PSMD13: variants seen among roughly 807,000 people sequenced by gnomAD.
PSMD13 encodes 26S proteasome non-ATPase regulatory subunit 13.
Under a neutral mutation model 57.4 loss-of-function variants are expected in PSMD13, and 8 were observed. That is an observed-to-expected ratio of 0.14 (90% CI 0.08 to 0.25). The LOEUF (loss-of-function observed/expected upper bound fraction) is 0.25, where lower values mean the gene tolerates loss of function less well. Ranked by LOEUF, PSMD13 falls within the 10% of genes least tolerant of loss-of-function variation. PSMD13 has a pLI of 1.00. For synonymous variants in PSMD13, 193 were observed against 168.2 expected (o/e 1.15, Z -1.14); for missense variants, 400 against 461.5 (o/e 0.87, Z 1.22).
chr11:245,641 C>CGTGTGTGTGTGTGTGT, intron 6 of PSMD13, among the ~76,000 whole-genome samples: 1 of 122,432 alleles, frequency 8.2e-6, no homozygotes, highest in East Asian at 2.4e-4. Context: ...TGAACCAGAA[C>CGTGTGTGTGTGTGTGT]GTGTGTGTGT....
At chr11:250,730 T>A in intron 9 of PSMD13, 73 bp from the exon 10 acceptor site, 1 of 1,424,736 alleles carries the variant, frequency 7.0e-7, no homozygotes, top group Non-Finnish European at 9.9e-7. Flanking sequence ...ATAGAACGAA[T>A]TCCAGATCCC....
At chr11:245,406 G>A (rs796439176) in intron 6 of PSMD13, among the ~76,000 whole-genome samples, 6 of 152,252 alleles carry the variant, frequency 3.9e-5, no homozygotes, top group African/African-American at 1.4e-4. Context: ...ACTCCACATG[G>A]CCTCAGTCAG....
At chr11:241,943 A>G (rs952093206) in intron 2 of PSMD13, among the ~76,000 whole-genome samples, 1 of 152,088 alleles carries the variant, frequency 6.6e-6, no homozygotes, top group Non-Finnish European at 1.5e-5. Flanking sequence ...CCCCTGAAAC[A>G]TAATGTATTT....
At position 247,390 on chromosome 11, in the gene PSMD13, G is replaced by A. The variant is rs780956637; in HGVS notation, c.510G>A (p.Ala170=). The A allele has an allele frequency of 1.4e-5, 23 of 1,603,036 alleles. No individual in the cohort carries two copies. The highest frequency in any genetic ancestry group is 6.7e-5 in the African/African-American group (5 of 74,458). Residue 170 remains alanine, a synonymous_variant, in exon 7 of 13, where the codon GCG becomes GCA. Transcript: ENST00000532097. Reference sequence around the variant, plus strand: ...ACTATCAAACAATCGGAAACCACGCGTCCTACTACAAAGATGCTCTGCGGT... The same window carrying A: ...ACTATCAAACAATCGGAAACCACGCATCCTACTACAAAGATGCTCTGCGGT... The part of the protein sequence containing the change: ...SKYYQTIGNH[A]SYYKDALRFL...
At chr11:239,687 A>C (rs556436921) in intron 2 of PSMD13, among the ~76,000 whole-genome samples, 2 of 152,068 alleles carry the variant, frequency 1.3e-5, no homozygotes, top group African/African-American at 4.8e-5. Context: ...GACTTTTAGA[A>C]TTTTTTCAGC....
intron 7 of PSMD13, chr11:247,665 C>G (rs772781265): frequency 5.0e-6 from 2 of 396,622 alleles, no homozygotes; most frequent in Non-Finnish European, 9.0e-6. Flanking sequence ...AACCCTGTCT[C>G]TACTAAAAAT....
intron 2 of PSMD13, among the ~76,000 whole-genome samples, chr11:241,577 G>T (rs115163988): frequency 0.012 from 1,840 of 152,258 alleles, 42 homozygotes; most frequent in African/African-American, 0.041. Flanking sequence ...AGGTCATTTG[G>T]AGGTTCCCTC....
intron 6 of PSMD13, among the ~76,000 whole-genome samples, chr11:245,248 G>A (rs1034367552): frequency 2.6e-5 from 4 of 152,010 alleles, no homozygotes; most frequent in African/African-American, 9.7e-5. Flanking sequence ...CAGCCCCCCC[G>A]ATTGCTAACC....
At chr11:243,268 T>G (rs505404) in intron 2 of PSMD13, 101,943 of 438,562 alleles carry the variant, frequency 0.23, 14,494 homozygotes, top group African/African-American at 0.45. Flanking sequence ...CATTTTCCTG[T>G]TTGAGCTGGG....
intron 2 of PSMD13, chr11:243,489 A>G: frequency 3.2e-6 from 1 of 310,220 alleles, no homozygotes; most frequent in East Asian, 8.7e-5. Context: ...AAACCTGAAC[A>G]TAGATCTTGA....
Position 251,535 on chromosome 11 carries a change from A to G in PSMD13, c.838-11A>G. 6.2e-7 allele frequency: 1 copy of G among 1,603,986 alleles called. No homozygotes were observed. ...AAAATAGTTTAAAATAGTTAATAAA[A>G]TTTTTTCCAGATGACTTTCACACGA... On this transcript the variant is annotated splice_polypyrimidine_tract_variant and intron_variant, in intron 10 of 12. Coordinates refer to ENST00000532097, the MANE Select transcript of PSMD13 (RefSeq NM_002817.4). The surrounding 1 kb of genome is among the most constrained non-coding windows in gnomAD (Gnocchi z 4.6).
At chr11:237,908 G>C (rs546755715) in intron 1 of PSMD13, among the ~76,000 whole-genome samples, 1 of 152,336 alleles carries the variant, frequency 6.6e-6, no homozygotes, top group Admixed American at 6.5e-5. Flanking sequence ...TAACCTCCCT[G>C]TTAACCCTAG....
At position 252,060 on chromosome 11, in the gene PSMD13, G is replaced by A; in HGVS notation, c.1035+124G>A. The stretch of plus-strand genomic sequence containing the variant: ...GCATTATTAGACAAGAGGTTTTGGA[G>A]AAGGAAATACTGCTGTTGGGTTTTT... On this transcript the variant is annotated intron_variant, in intron 12 of 12. Transcript: ENST00000532097. This position sits in a 1 kb window ranked among gnomAD's most constrained non-coding sequence, Gnocchi z 4.1. 1 of 918,008 alleles carries A rather than the reference G, an allele frequency of 1.1e-6. No homozygotes were observed. The highest frequency in any genetic ancestry group is 2.3e-5 in the Admixed American group (1 of 44,206). The allele number at this position is 918,008 out of a possible 1,614,324, so 56.9% of individuals were successfully genotyped here.
At position 244,177 on chromosome 11, in the gene PSMD13, C is replaced by T; in HGVS notation, c.226C>T (p.Leu76Phe). 1 of 1,609,850 alleles carries T rather than the reference C, an allele frequency of 6.2e-7. No homozygotes were observed. The highest frequency in any genetic ancestry group is 8.5e-7 in the Non-Finnish European group (1 of 1,176,810). Residue 76 changes from leucine (L) to phenylalanine (F), a missense_variant, in exon 4 of 13, where the codon CTC (leucine) becomes TTC (phenylalanine). Coordinates refer to ENST00000532097, the MANE Select transcript of PSMD13 (RefSeq NM_002817.4). Reference protein sequence around the residue: ...EFEHRVNPLSLVEIILHVVRQ... With the variant: ...EFEHRVNPLSFVEIILHVVRQ... ...TTATTTCAGGGTGAACCCTTTGTCC[C>T]TCGTGGAAATCATTCTTCATGTAGT... is the stretch of plus-strand genomic sequence containing the variant.
At chr11:250,207 A>T (rs997961718) in intron 9 of PSMD13, among the ~76,000 whole-genome samples, 4 of 152,248 alleles carry the variant, frequency 2.6e-5, no homozygotes, top group Non-Finnish European at 5.9e-5. Flanking sequence ...AATTAAAACA[A>T]CAAGTCTCCT....
intron 6 of PSMD13, among the ~76,000 whole-genome samples, chr11:246,523 TG>T (rs1228576253): frequency 2.0e-5 from 3 of 152,144 alleles, no homozygotes; most frequent in Non-Finnish European, 4.4e-5. Flanking sequence ...AGATTTAGGT[TG>T]TTTTTTTTAC....
rs1363977146 is a variant in PSMD13, at chr11:251,024, AC to A, written c.837+160del. 1 of 671,780 alleles carries A rather than the reference AC, an allele frequency of 1.5e-6. No homozygotes were observed. The highest frequency in any genetic ancestry group is 2.6e-6 in the Non-Finnish European group (1 of 388,502). The allele number at this position is 671,780 out of a possible 1,614,324, so 41.6% of individuals were successfully genotyped here. A position where few individuals can be genotyped will look rare whatever the true frequency, so the allele number is the denominator to read the frequency against. On this transcript the variant is annotated intron_variant, in intron 10 of 12. Coordinates refer to ENST00000532097, the MANE Select transcript of PSMD13 (RefSeq NM_002817.4). The surrounding 1 kb of genome is among the most constrained non-coding windows in gnomAD (Gnocchi z 4.6). Reference sequence around the variant, plus strand: ...ACCACCTTCCTTTTCCTTTGCTACCACTTGCTCTTCTAAGTTTATATTTGGC... The same window carrying A: ...ACCACCTTCCTTTTCCTTTGCTACCATTGCTCTTCTAAGTTTATATTTGGC...
In PSMD13 at chr11:240,547, A is replaced by G. The variant is rs971114532; in HGVS notation, c.174+1471A>G. 3.9e-5 allele frequency among the ~76,000 whole-genome samples: 6 copies of G among 152,114 alleles called. No individual in the cohort carries two copies. In the South Asian group the frequency reaches 6.2e-4, roughly 16 times the overall value. On this transcript the variant is annotated intron_variant, in intron 2 of 12. Transcript: ENST00000532097. ...CATGACAAAATATTTCCTCAACCTC[A>G]TGGTAAGGTGATGTTTATTTAGGTT... is the stretch of plus-strand genomic sequence containing the variant.
At position 236,989 on chromosome 11, in the gene PSMD13, A is replaced by AGCCATCCCCGCGGTGCT. The variant is rs1232536242; in HGVS notation, c.-59_-43dup. The AGCCATCCCCGCGGTGCT allele has an allele frequency of 1.1e-5, 16 of 1,413,994 alleles. No individual in the cohort carries two copies. In the Admixed American group the frequency reaches 2.9e-4, roughly 25 times the overall value. The allele number at this position is 1,413,994 out of a possible 1,614,324, so 87.6% of individuals were successfully genotyped here. On this transcript the variant is annotated 5_prime_UTR_variant, in exon 1 of 13. Transcript: ENST00000532097. ...CCGGAAGTGAGTGAGCATTTCCGGCAGCCATCCCCGCGGTGCTGACATCCC... is the reference window on the plus strand; with the variant it reads ...CCGGAAGTGAGTGAGCATTTCCGGCAGCCATCCCCGCGGTGCTGCCATCCCCGCGGTGCTGACATCCC...
Sources: gnomAD v4.1 joint callset for allele counts (sites outside exome capture counted in the v4.1 genomes callset) on GRCh38, gnomAD v4.1.1 for gene constraint, Gnocchi (gnomAD v3.1) non-coding constraint, MANE v1.5 for transcripts, NCBI Gene and HGNC (gene_info 2026-07-23, HGNC 2026-07-21) for gene names.